POLR3B: variants seen among roughly 807,000 people sequenced by gnomAD.
POLR3B encodes RNA polymerase III subunit B.
In POLR3B, 96 loss-of-function variants were observed where a neutral mutation model predicts 147.4. That is an observed-to-expected ratio of 0.65 (90% CI 0.55 to 0.77). The LOEUF (loss-of-function observed/expected upper bound fraction) is 0.77, where lower values mean the gene tolerates loss of function less well. Ranked by LOEUF, POLR3B falls within the 30% of genes least tolerant of loss-of-function variation. The pLI is 0.00. For synonymous variants in POLR3B, 461 were observed against 485.9 expected (o/e 0.95, Z 0.67); for missense variants, 1,036 against 1,413.5 (o/e 0.73, Z 4.28).
At chr12:106,503,301 G>A (rs1296613322) in intron 26 of POLR3B, among the ~76,000 whole-genome samples, 1 of 152,118 alleles carries the variant, frequency 6.6e-6, no homozygotes, top group Non-Finnish European at 1.5e-5. Flanking sequence ...GGCATACCCT[G>A]TGTTCACCTT....
chr12:106,485,546 TAGAG>T (rs755954550), intron 23 of POLR3B, among the ~76,000 whole-genome samples: 3 of 151,768 alleles, frequency 2.0e-5, no homozygotes, highest in South Asian at 2.1e-4. Context: ...AGTGGAAAAA[TAGAG>T]AGAAGTGACT....
chr12:106,453,585 C>A (rs1391277071), intron 19 of POLR3B, among the ~76,000 whole-genome samples: 1 of 152,014 alleles, frequency 6.6e-6, no homozygotes, highest in Non-Finnish European at 1.5e-5. Context: ...GGCTCAGTAG[C>A]CCACACTCAA....
intron 14 of POLR3B, among the ~76,000 whole-genome samples, chr12:106,430,949 A>T (rs1478602534): frequency 6.6e-6 from 1 of 152,190 alleles, no homozygotes; most frequent in Non-Finnish European, 1.5e-5. Flanking sequence ...ACATCAAGCC[A>T]GGGAGTTTAC....
chr12:106,380,411 CA>C lies in POLR3B; in HGVS notation c.723+295del, dbSNP rs147457953. ...CAACATGGTGAAACCCCATCTCTAC[CA>C]AAAAAAAAAAAAAAAAAAAAAATAG... is the stretch of plus-strand genomic sequence containing the variant. On this transcript the variant is annotated intron_variant, in intron 9 of 27. Transcript: ENST00000228347. Among the ~76,000 whole-genome samples, 4,046 of 98,996 alleles carry C rather than the reference CA, an allele frequency of 0.041. 180 individuals are homozygous for C. Among genetic ancestry groups the C allele is most frequent in the African/African-American group, 0.14 (3,668 of 27,170 alleles). The allele number at this position is 98,996 out of a possible 152,430, so 64.9% of individuals were successfully genotyped here. A position where few individuals can be genotyped will look rare whatever the true frequency, so the allele number is the denominator to read the frequency against.
chr12:106,360,528 T>C (rs1461189926), intron 1 of POLR3B, among the ~76,000 whole-genome samples: 2 of 152,234 alleles, frequency 1.3e-5, no homozygotes, highest in Non-Finnish European at 2.9e-5. Context: ...TTGCTGCCAT[T>C]TCCTTTTAAA....
At position 106,433,813 on chromosome 12, in the gene POLR3B, C is replaced by T; in HGVS notation, c.1722C>T (p.Ile574=). 1 of 1,612,714 alleles carries T rather than the reference C, an allele frequency of 6.2e-7. No homozygotes were observed. Among genetic ancestry groups the T allele is most frequent in the African/African-American group, 1.3e-5 (1 of 75,000 alleles). The change falls in exon 16 of 28, where the codon ATC becomes ATT. Residue 574 remains isoleucine (I), a synonymous_variant. Transcript: ENST00000228347. ...RAGYINEFVS[I]STNLTDRCVY... ...GATATATCAATGAATTTGTTTCCAT[C>T]TCAACAAATCTTACAGATCGATGTG...
intron 23 of POLR3B, among the ~76,000 whole-genome samples, chr12:106,487,695 C>T (rs2038357927): frequency 6.6e-6 from 1 of 152,114 alleles, no homozygotes; most frequent in African/African-American, 2.4e-5. Flanking sequence ...TTTCACAGAA[C>T]ATGTGCATCT....
intron 27 of POLR3B, among the ~76,000 whole-genome samples, chr12:106,507,270 T>G (rs1171929685): frequency 1.3e-5 from 2 of 152,192 alleles, no homozygotes; most frequent in Non-Finnish European, 2.9e-5. Context: ...AGTTTCTACC[T>G]TTGCAAATTG....
chr12:106,490,850 G>T (rs2038397849), intron 23 of POLR3B, among the ~76,000 whole-genome samples: 1 of 152,148 alleles, frequency 6.6e-6, no homozygotes, highest in Admixed American at 6.5e-5. Flanking sequence ...CATTCCTACT[G>T]CTTCTTTGGC....
intron 19 of POLR3B, among the ~76,000 whole-genome samples, chr12:106,451,640 G>T (rs184199535): frequency 2.3e-5 from 3 of 132,858 alleles, no homozygotes; most frequent in Non-Finnish European, 3.2e-5. Flanking sequence ...AGGCGGGGGG[G>T]GAGGAGAGGG....
intron 18 of POLR3B, 85 bp from the exon 19 acceptor site, chr12:106,444,378 A>G: frequency 7.5e-7 from 1 of 1,336,574 alleles, no homozygotes; most frequent in Non-Finnish European, 1.1e-6. Context: ...TGGAGGACCT[A>G]GATAACAATA....
chr12:106,497,259 G>A (rs1005597953), intron 25 of POLR3B, among the ~76,000 whole-genome samples: 1 of 151,454 alleles, frequency 6.6e-6, no homozygotes, highest in African/African-American at 2.4e-5. Context: ...CCTGCCTTAA[G>A]ATGTAAGCAT....
rs1461416600 is a variant in POLR3B, at chr12:106,498,774, C to T, written c.2984+1856C>T. 6.6e-5 allele frequency among the ~76,000 whole-genome samples: 10 copies of T among 152,226 alleles called. 1 individual carries two copies. Among genetic ancestry groups the T allele is most frequent in the Admixed American group, 2.6e-4 (4 of 15,290 alleles). ...CTAGTTTTTGTATTTTGAGTAGAGACGAGGTTTCGCCAAGTTGGCCAGGCT... is the reference window on the plus strand; with the variant it reads ...CTAGTTTTTGTATTTTGAGTAGAGATGAGGTTTCGCCAAGTTGGCCAGGCT... On this transcript the variant is annotated intron_variant, in intron 25 of 27. Coordinates refer to ENST00000228347, the MANE Select transcript of POLR3B (RefSeq NM_018082.6).
chr12:106,443,316 G>A (rs1467499450), intron 18 of POLR3B, among the ~76,000 whole-genome samples: 3 of 151,968 alleles, frequency 2.0e-5, no homozygotes, highest in Non-Finnish European at 4.4e-5. Context: ...ATTCATAAAT[G>A]TGAGTTGTTC....
Position 106,369,335 on chromosome 12 carries a change from A to G in POLR3B, c.288A>G (p.Pro96=). 6.3e-7 allele frequency: 1 copy of G among 1,580,806 alleles called. No homozygotes were observed. Among genetic ancestry groups the G allele is most frequent in the Non-Finnish European group, 8.7e-7 (1 of 1,149,578 alleles). The change falls in exon 5 of 28, where the codon CCA becomes CCG. Residue 96 remains proline (P), a synonymous_variant. Coordinates refer to ENST00000228347, the MANE Select transcript of POLR3B (RefSeq NM_018082.6). ...AAGAAAGCTTCAATGTAACTAGACC[A>G]GTGTCCCCTCATGAGGTAATTATGA... The part of the protein sequence containing the change: ...DVEESFNVTR[P]VSPHECRLRD...
At chr12:106,451,139 G>A (rs2037788617) in intron 19 of POLR3B, among the ~76,000 whole-genome samples, 1 of 152,078 alleles carries the variant, frequency 6.6e-6, no homozygotes, top group Non-Finnish European at 1.5e-5. Context: ...GAACAGATCA[G>A]TGGTCCCTGA....
intron 23 of POLR3B, among the ~76,000 whole-genome samples, chr12:106,469,399 A>T (rs1379134395): frequency 6.7e-6 from 1 of 150,068 alleles, no homozygotes; most frequent in East Asian, 2.0e-4. Context: ...TTGACTCTTT[A>T]TCCAATTTGC....
At chr12:106,385,521 C>T (rs1224277896) in intron 9 of POLR3B, among the ~76,000 whole-genome samples, 5 of 152,100 alleles carry the variant, frequency 3.3e-5, no homozygotes, top group African/African-American at 9.7e-5. Flanking sequence ...GAACTAAGTT[C>T]GTTGAAACGG....
intron 23 of POLR3B, among the ~76,000 whole-genome samples, chr12:106,469,280 T>C (rs1028125151): frequency 2.0e-5 from 3 of 151,464 alleles, no homozygotes; most frequent in Non-Finnish European, 4.4e-5. Flanking sequence ...TTTTTTTTTT[T>C]TTTTTGCTTT....
Sources: allele counts gnomAD v4.1 joint callset (sites outside exome capture counted in the v4.1 genomes callset), GRCh38; gene constraint gnomAD v4.1.1; transcripts MANE v1.5; gene names NCBI Gene and HGNC (gene_info 2026-07-23, HGNC 2026-07-21).